The following ZNF710 variants were observed in gnomAD, a reference collection of about 807,000 sequenced individuals.
ZNF710 encodes zinc finger protein 710.
Under a neutral mutation model 50.6 loss-of-function variants are expected in ZNF710, and 13 were observed. The observed-to-expected ratio is 0.26, with a 90% CI of 0.17 to 0.41. The LOEUF (loss-of-function observed/expected upper bound fraction) is 0.41, where lower values mean the gene tolerates loss of function less well. Among genes scored for constraint, ZNF710 ranks in the 10% least tolerant of loss-of-function variants. ZNF710 has a pLI of 1.00. For missense variants in ZNF710, 721 were observed against 936.6 expected (o/e 0.77, Z 3.01); for synonymous variants, 383 against 397.0 (o/e 0.96, Z 0.42).
At chr15:90,009,261 A>G (rs867815070) in intron 1 of ZNF710, among the ~76,000 whole-genome samples, 3 of 152,136 alleles carry the variant, frequency 2.0e-5, no homozygotes, top group South Asian at 2.1e-4. Context: ...ATGTCCTCGC[A>G]AGGACCAAGT....
At chr15:90,054,003 G>T (rs906566990) in intron 1 of ZNF710, among the ~76,000 whole-genome samples, 2 of 152,090 alleles carry the variant, frequency 1.3e-5, no homozygotes, top group African/African-American at 4.8e-5. Flanking sequence ...CCTGGCTGAT[G>T]GAATGGGGTT....
intron 1 of ZNF710, among the ~76,000 whole-genome samples, chr15:90,006,003 C>T (rs1259527721): frequency 6.6e-6 from 1 of 152,090 alleles, no homozygotes; most frequent in African/African-American, 2.4e-5. Flanking sequence ...TATGTCTCTG[C>T]CCATGCCAAA....
At chr15:89,999,576 T>TC (rs1438871085), upstream of ZNF710, among the ~76,000 whole-genome samples, 2 of 152,176 alleles carry the variant, frequency 1.3e-5, no homozygotes, top group African/African-American at 4.8e-5. Context: ...AACCAAACTC[T>TC]CAGGCTACTG....
rs1355718758 is a variant in ZNF710 at position 90,040,097 on chromosome 15, C to CAGAG, written c.-28-27012_-28-27009dup. 1.3e-5 allele frequency among the ~76,000 whole-genome samples: 2 copies of CAGAG among 152,206 alleles called. No homozygotes were observed. Among genetic ancestry groups the CAGAG allele is most frequent in the African/African-American group, 4.8e-5 (2 of 41,454 alleles). On this transcript the variant is annotated intron_variant, in intron 1 of 4. Transcript: ENST00000268154. The surrounding 1 kb of genome is among the most constrained non-coding windows in gnomAD (Gnocchi z 4.6). ...AAACAGTCAGCATGCCAGTGAGAACCAGAGCCTGGGGGCACTTTGTGCATG... is the reference window on the plus strand; with the variant it reads ...AAACAGTCAGCATGCCAGTGAGAACCAGAGAGAGCCTGGGGGCACTTTGTGCATG...
chr15:90,074,357 G>T (rs936221976), intron 4 of ZNF710, 67 bp downstream of exon 4: 5 of 1,597,422 alleles, frequency 3.1e-6, no homozygotes, highest in Non-Finnish European at 4.2e-6. Context: ...GGAGCCTCCT[G>T]CCCAGTTAGA....
At position 90,034,997 on chromosome 15, in the gene ZNF710, C is replaced by G. The variant is rs1899075830; in HGVS notation, c.-28-32113C>G. On this transcript the variant is annotated intron_variant, in intron 1 of 4. Transcript: ENST00000268154. The surrounding 1 kb of genome is among the most constrained non-coding windows in gnomAD (Gnocchi z 4.0). The stretch of plus-strand genomic sequence containing the variant: ...GGGGTGTCTGGAGGGCCTCTGCCTT[C>G]CGTCATCAGAAGGAGGTTCTAGCAA... 6.6e-6 allele frequency among the ~76,000 whole-genome samples: 1 copy of G among 152,220 alleles called. No individual in the cohort carries two copies. Among genetic ancestry groups the G allele is most frequent in the African/African-American group, 2.4e-5 (1 of 41,466 alleles).
chr15:90,033,178 G>A (rs1257464363), intron 1 of ZNF710, among the ~76,000 whole-genome samples: 3 of 152,174 alleles, frequency 2.0e-5, no homozygotes, highest in Non-Finnish European at 4.4e-5. Context: ...CCAAATGGGC[G>A]ATTGGTGGCT....
Position 90,067,641 on chromosome 15 carries a change from C to T in ZNF710, c.504C>T (p.Pro168=). Residue 168 remains proline, a synonymous_variant, in exon 2 of 5, where the codon CCC becomes CCT. Transcript: ENST00000268154. The surrounding 1 kb of genome is among the most constrained non-coding windows in gnomAD (Gnocchi z 8.1). ...ACCTCAGCGCCTTCAGCCGCAAGCCCCGGACGCTCCGGCATCTGCCCCGAA... is the reference window on the plus strand; with the variant it reads ...ACCTCAGCGCCTTCAGCCGCAAGCCTCGGACGCTCCGGCATCTGCCCCGAA... The part of the protein sequence containing the change: ...MIDLSAFSRK[P]RTLRHLPRTP... 6.2e-7 allele frequency: 1 copy of T among 1,612,768 alleles called. No individual in the cohort carries two copies. The highest frequency in any genetic ancestry group is 2.2e-5 in the East Asian group (1 of 44,852).
intron 1 of ZNF710, among the ~76,000 whole-genome samples, chr15:90,053,630 G>A (rs1336111725): frequency 6.6e-6 from 1 of 152,154 alleles, no homozygotes; most frequent in African/African-American, 2.4e-5. Context: ...GTGAGCCCCT[G>A]CGCCAGTCAG....
intron 1 of ZNF710, among the ~76,000 whole-genome samples, chr15:90,014,376 T>TATAAA (rs1195769713): frequency 6.6e-6 from 1 of 151,954 alleles, no homozygotes; most frequent in Non-Finnish European, 1.5e-5. Context: ...GATGGGTTAA[T>TATAAA]ATAAAATAAA....
intron 1 of ZNF710, among the ~76,000 whole-genome samples, chr15:90,055,924 G>A (rs916624332): frequency 1.3e-5 from 2 of 151,016 alleles, no homozygotes; most frequent in African/African-American, 4.9e-5. Flanking sequence ...AGACCAGCCT[G>A]GGAAACATGG....
chr15:90,070,335 T>G (rs991535222), intron 2 of ZNF710, among the ~76,000 whole-genome samples: 1 of 149,646 alleles, frequency 6.7e-6, no homozygotes, highest in East Asian at 2.0e-4. Flanking sequence ...CACTCTAGCC[T>G]GGGCAACATA....
At chr15:90,046,563 C>A (rs1232154803) in intron 1 of ZNF710, among the ~76,000 whole-genome samples, 1 of 152,054 alleles carries the variant, frequency 6.6e-6, no homozygotes, top group African/African-American at 2.4e-5. Context: ...AGCCAGACAC[C>A]CAGACGGGTG....
intron 2 of ZNF710, among the ~76,000 whole-genome samples, chr15:90,071,670 A>ATTTATT (rs1900389810): frequency 7.1e-6 from 1 of 140,660 alleles, no homozygotes; most frequent in African/African-American, 2.7e-5. Flanking sequence ...TTATTTATTT[A>ATTTATT]TTTTTACTCT....
chr15:89,998,532 C>T (rs1011401773), upstream of ZNF710, among the ~76,000 whole-genome samples: 6 of 152,220 alleles, frequency 3.9e-5, no homozygotes, highest in African/African-American at 1.2e-4. Context: ...ATGCTTCCCC[C>T]TCAGTCAGCT....
In ZNF710 at chr15:90,074,259, T is replaced by TG; in HGVS notation, c.1796dup (p.Val600ArgfsTer19). On this transcript the variant is annotated frameshift_variant, in exon 4 of 5. Transcript: ENST00000268154. LOFTEE classifies it high-confidence loss of function. ...TGAGCCGGCACATGAAGGTCAAGCA[T>TG]GGCGTCATGGACATCGGCCTGGACA... The TG allele has an allele frequency of 6.2e-7, 1 of 1,613,800 alleles. No homozygotes were observed. Among genetic ancestry groups the TG allele is most frequent in the Non-Finnish European group, 8.5e-7 (1 of 1,179,986 alleles).
At chr15:90,012,205 A>G (rs1321587153) in intron 1 of ZNF710, among the ~76,000 whole-genome samples, 1 of 151,910 alleles carries the variant, frequency 6.6e-6, no homozygotes, top group East Asian at 1.9e-4. Flanking sequence ...CTCCATCTCA[A>G]AAGAAAAAAA....
chr15:90,014,080 A>T (rs1168702752), intron 1 of ZNF710, among the ~76,000 whole-genome samples: 6 of 123,460 alleles, frequency 4.9e-5, no homozygotes, highest in Non-Finnish European at 8.3e-5. Context: ...GAATAGTAAT[A>T]AAAAAAAAAA....
chr15:90,013,776 T>C (rs1486984988), intron 1 of ZNF710, among the ~76,000 whole-genome samples: 1 of 152,160 alleles, frequency 6.6e-6, no homozygotes, highest in African/African-American at 2.4e-5. Flanking sequence ...TCCTAATCAT[T>C]TCAGGTCCAA....
Sources: gnomAD v4.1 joint callset for allele counts (sites outside exome capture counted in the v4.1 genomes callset) on GRCh38, gnomAD v4.1.1 for gene constraint, Gnocchi (gnomAD v3.1) non-coding constraint, MANE v1.5 for transcripts, NCBI Gene and HGNC (gene_info 2026-07-23, HGNC 2026-07-21) for gene names.